FAM90A1: variants seen among roughly 807,000 people sequenced by gnomAD.
FAM90A1 encodes protein FAM90A1.
Under a neutral mutation model 14.8 loss-of-function variants are expected in FAM90A1, and 10 were observed. The ratio of observed to expected loss-of-function variants is 0.67; its 90% CI spans 0.42 to 1.14. The LOEUF (loss-of-function observed/expected upper bound fraction) is 1.14. FAM90A1 is among the 50% of genes most tolerant of loss of function. The pLI is 0.00. For missense variants in FAM90A1, 567 were observed against 602.8 expected (o/e 0.94, Z 0.62); for synonymous variants, 236 against 248.4 (o/e 0.95, Z 0.47).
In FAM90A1 at chr12:8,225,885, G is replaced by A. The variant is rs1458729944; in HGVS notation, c.-106C>T. The stretch of plus-strand genomic sequence containing the variant: ...TCCCCGGCTGGCGCTGAGATGGGCA[G>A]GTGCTGGAGCAGCCCCGCTGGAAGC... On this transcript the variant is annotated 5_prime_UTR_variant, in exon 3 of 7. Transcript: ENST00000538603. 6.6e-6 allele frequency: 1 copy of A among 152,224 alleles called. No individual in the cohort carries two copies. Among genetic ancestry groups the A allele is most frequent in the African/African-American group, 2.4e-5 (1 of 41,446 alleles). The allele number at this position is 152,224 out of a possible 1,614,324, so 9.4% of individuals were successfully genotyped here. A position where few individuals can be genotyped will look rare whatever the true frequency, so the allele number is the denominator to read the frequency against.
At chr12:8,226,824 T>C (rs1948954641) in intron 1 of FAM90A1, among the ~76,000 whole-genome samples, 1 of 133,768 alleles carries the variant, frequency 7.5e-6, no homozygotes, top group South Asian at 2.7e-4. Context: ...TTTTTTTTTT[T>C]TTTGAGACAC....
In FAM90A1 at chr12:8,224,216, C is replaced by G; in HGVS notation, c.124-1G>C. On this transcript the variant is annotated splice_acceptor_variant, in intron 4 of 6. Transcript: ENST00000538603. LOFTEE classifies it high-confidence loss of function. The stretch of plus-strand genomic sequence containing the variant: ...AGGCCTCACAGTTTTTGCACTTGAG[C>G]TGTGGGTGGAAAGGAAGTGATGTCA... 1 of 1,611,524 alleles carries G rather than the reference C, an allele frequency of 6.2e-7. No homozygotes were observed.
At chr12:8,226,802 CTT>C (rs71042351) in intron 1 of FAM90A1, among the ~76,000 whole-genome samples, 2,676 of 78,776 alleles carry the variant, frequency 0.034, 9 homozygotes, top group African/African-American at 0.086. Context: ...TCATTGATGT[CTT>C]TTTTTTTTTT....
rs780675590 is a variant in FAM90A1 at position 8,222,763 on chromosome 12, C to T, written c.454G>A (p.Val152Ile). 39 of 1,600,182 alleles carry T rather than the reference C, an allele frequency of 2.4e-5. No homozygotes were observed. The East Asian group carries it at 3.3e-4, about 14-fold the overall frequency. The change falls in exon 7 of 7, where the codon GTC becomes ATC. Residue 152 changes from valine to isoleucine, a missense_variant. Val to Ile is a conservative substitution (Grantham distance 29). Coordinates refer to ENST00000538603, the MANE Select transcript of FAM90A1 (RefSeq NM_018088.3). ...CGCGGCCTCTTACTGGTTGTGTGGA[C>T]CGGCATTGGCCCGCTTGCAACCTGA... Reference protein sequence around the residue: ...YLRVASGPMPVHTTSKRPRVD... With the variant: ...YLRVASGPMPIHTTSKRPRVD...
At position 8,225,876 on chromosome 12, in the gene FAM90A1, A is replaced by G. The variant is rs1392366660; in HGVS notation, c.-97T>C. 6.6e-6 allele frequency: 1 copy of G among 152,182 alleles called. No individual in the cohort carries two copies. The allele number at this position is 152,182 out of a possible 1,614,324, so 9.4% of individuals were successfully genotyped here. ...TACTTTCTTTCCCCGGCTGGCGCTGAGATGGGCAGGTGCTGGAGCAGCCCC... is the reference window on the plus strand; with the variant it reads ...TACTTTCTTTCCCCGGCTGGCGCTGGGATGGGCAGGTGCTGGAGCAGCCCC... On this transcript the variant is annotated 5_prime_UTR_variant, in exon 3 of 7. Transcript: ENST00000538603.
chr12:8,221,785 G>A lies in FAM90A1; in HGVS notation c.*37C>T, dbSNP rs1948826736. 2 of 1,563,118 alleles carry A rather than the reference G, an allele frequency of 1.3e-6. No individual in the cohort carries two copies. The highest frequency in any genetic ancestry group is 1.7e-6 in the Non-Finnish European group (2 of 1,150,364). On this transcript the variant is annotated 3_prime_UTR_variant, in exon 7 of 7. Coordinates refer to ENST00000538603, the MANE Select transcript of FAM90A1 (RefSeq NM_018088.3). ...GTCCCACAGTCCCCTCCAAGTCACGGGAGCTGGAGGCCAAGGAGCCCCTGC... is the reference window on the plus strand; with the variant it reads ...GTCCCACAGTCCCCTCCAAGTCACGAGAGCTGGAGGCCAAGGAGCCCCTGC...
Position 8,222,976 on chromosome 12 carries a change from G to C in FAM90A1, c.433-192C>G, listed in dbSNP as rs145083194. 3.2e-3 allele frequency among the ~76,000 whole-genome samples: 495 copies of C among 152,348 alleles called. 24 individuals carry two copies. The East Asian group carries it at 0.078, about 24-fold the overall frequency. On this transcript the variant is annotated intron_variant, in intron 6 of 6. Coordinates refer to ENST00000538603, the MANE Select transcript of FAM90A1 (RefSeq NM_018088.3). ...CAAGACACATGAAAGATGCGCTCTC[G>C]AGCTATGTGTAGCTGATCTAAGCAC...
Position 8,221,886 on chromosome 12 carries a change from C to T in FAM90A1, c.1331G>A (p.Ser444Asn), listed in dbSNP as rs1312883415. ...SEGPCVRVPP[S>N]VLYEDLQVPS... Reference sequence around the variant, plus strand: ...AACCTGAAGGTCCTCATAGAGGACGCTTGGTGGGACACGAACACAGGGACC... The same window carrying T: ...AACCTGAAGGTCCTCATAGAGGACGTTTGGTGGGACACGAACACAGGGACC... Residue 444 changes from serine (S) to asparagine (N), a missense_variant, in exon 7 of 7, where the codon AGC becomes AAC. By Grantham distance (46) the Ser-to-Asn change is conservative (BLOSUM62 1). Coordinates refer to ENST00000538603, the MANE Select transcript of FAM90A1 (RefSeq NM_018088.3). 6.3e-7 allele frequency: 1 copy of T among 1,596,326 alleles called. No individual in the cohort carries two copies. Among genetic ancestry groups the T allele is most frequent in the Admixed American group, 1.7e-5 (1 of 60,004 alleles).
chr12:8,222,714 C>A lies in FAM90A1; in HGVS notation c.503G>T (p.Arg168Leu), dbSNP rs780112980. 6.2e-7 allele frequency: 1 copy of A among 1,606,556 alleles called. No homozygotes were observed. Among genetic ancestry groups the A allele is most frequent in the Admixed American group, 1.7e-5 (1 of 59,998 alleles). ...RPRVDPVLSD[R>L]SATEMSDRGS... is the part of the protein sequence containing the mutation. ...CCTGTCAGACATTTCGGTAGCTGAG[C>A]GATCAGAGAGGACAGGGTCCACACG... Residue 168 changes from arginine (R) to leucine (L), a missense_variant, in exon 7 of 7, where the codon CGC becomes CTC. Coordinates refer to ENST00000538603, the MANE Select transcript of FAM90A1 (RefSeq NM_018088.3).
chr12:8,221,592 C>T lies in FAM90A1; in HGVS notation c.*230G>A, dbSNP rs1161859541. On this transcript the variant is annotated 3_prime_UTR_variant, in exon 7 of 7. Transcript: ENST00000538603. ...ACTGGCACGGAAGCTTTTCCTGGCG[C>T]GTTTCCAGAGAACCATGCGAACTAC... is the stretch of plus-strand genomic sequence containing the variant. 4.4e-5 allele frequency: 26 copies of T among 597,370 alleles called. No homozygotes were observed. Among genetic ancestry groups the T allele is most frequent in the Non-Finnish European group, 6.4e-5 (22 of 341,338 alleles). 37.0% of individuals were successfully genotyped at this position (597,370 alleles called of 1,614,324 possible). A position where few individuals can be genotyped will look rare whatever the true frequency, so the allele number is the denominator to read the frequency against.
rs200674958 is a variant in FAM90A1 at position 8,222,597 on chromosome 12, G to A, written c.620C>T (p.Ala207Val). 4.9e-5 allele frequency: 79 copies of A among 1,611,854 alleles called. No individual in the cohort carries two copies. The highest frequency in any genetic ancestry group is 3.3e-5 in the South Asian group (3 of 91,000). The change falls in exon 7 of 7, where the codon GCG (alanine) becomes GTG (valine). Residue 207 changes from alanine to valine, a missense_variant. Coordinates refer to ENST00000538603, the MANE Select transcript of FAM90A1 (RefSeq NM_018088.3). ...GACTGCAGTCTGAGGGATGTCGGCC[G>A]CAGCCCCTGTCTGTCTTTCCTTTGG... Reference protein sequence around the residue: ...LGPKERQTGAAADIPQTAVRH... With the variant: ...LGPKERQTGAVADIPQTAVRH...
Position 8,225,181 on chromosome 12 carries a change from G to A in FAM90A1, c.-56-293C>T, listed in dbSNP as rs1439514762. Among the ~76,000 whole-genome samples the A allele has an allele frequency of 3.9e-5, 6 of 152,336 alleles. No individual in the cohort carries two copies. In the South Asian group the frequency reaches 1.0e-3, roughly 26 times the overall value. On this transcript the variant is annotated intron_variant, in intron 3 of 6. Coordinates refer to ENST00000538603, the MANE Select transcript of FAM90A1 (RefSeq NM_018088.3). ...CAACTGATTCTGGAGACTGGACTTA[G>A]GTCTATCACGATTCACTCCGGTAGA...
rs780090840 is a variant in FAM90A1, at chr12:8,221,498, C to T, written c.*324G>A. On this transcript the variant is annotated 3_prime_UTR_variant, in exon 7 of 7. Transcript: ENST00000538603. ...AGAGAGCAAATACACAGTAATTCCCCCGTTTCCTATTGACGTCCCAGCGGA... is the reference window on the plus strand; with the variant it reads ...AGAGAGCAAATACACAGTAATTCCCTCGTTTCCTATTGACGTCCCAGCGGA... 9.6e-4 allele frequency: 426 copies of T among 444,440 alleles called. No individual in the cohort carries two copies. The highest frequency in any genetic ancestry group is 1.0e-3 in the Non-Finnish European group (241 of 241,992). 27.5% of individuals were successfully genotyped at this position (444,440 alleles called of 1,614,324 possible). A position where few individuals can be genotyped will look rare whatever the true frequency, so the allele number is the denominator to read the frequency against.
At chr12:8,227,203 G>A (rs1260235749) in intron 1 of FAM90A1, among the ~76,000 whole-genome samples, 2 of 152,248 alleles carry the variant, frequency 1.3e-5, no homozygotes, top group Non-Finnish European at 2.9e-5. Context: ...GACTCAGTGA[G>A]GAGGGGGAAA....
intron 3 of FAM90A1, among the ~76,000 whole-genome samples, chr12:8,225,594 A>G (rs926370851): frequency 1.3e-5 from 2 of 151,978 alleles, no homozygotes; most frequent in Non-Finnish European, 1.5e-5. Context: ...TCCTTTTTCC[A>G]TTTACCCACC....
rs1948832896 is a variant in FAM90A1, at chr12:8,222,000, G to C, written c.1217C>G (p.Ser406Cys). The C allele has an allele frequency of 6.3e-7, 1 of 1,598,598 alleles. No homozygotes were observed. The highest frequency in any genetic ancestry group is 1.7e-5 in the Admixed American group (1 of 60,016). The change falls in exon 7 of 7, where the codon TCC becomes TGC. Residue 406 changes from serine (S) to cysteine (C), a missense_variant. Ser to Cys is a moderately radical substitution (Grantham distance 112). Transcript: ENST00000538603. ...AAATGAGGGGGCCGTCAGCAGGCTGGAGCTCCAGCGTCCGTTTTCCAGTCT... is the reference window on the plus strand; with the variant it reads ...AAATGAGGGGGCCGTCAGCAGGCTGCAGCTCCAGCGTCCGTTTTCCAGTCT... ...FRRLENGRWSSSLLTAPSFHS... is the reference protein window; with the variant it reads ...FRRLENGRWSCSLLTAPSFHS...
At position 8,222,439 on chromosome 12, in the gene FAM90A1, C is replaced by T. The variant is rs771007440; in HGVS notation, c.778G>A (p.Asp260Asn). ...LLQAVSPQAQ[D>N]KRPAVTSQPC... is the part of the protein sequence containing the mutation. ...TGTGAGGTCACCGCAGGACGTTTGT[C>T]TTGTGCCTGGGGGCTGACGGCCTGG... is the stretch of plus-strand genomic sequence containing the variant. The change falls in exon 7 of 7, where the codon GAC becomes AAC. Residue 260 changes from aspartate (D) to asparagine (N), a missense_variant. Transcript: ENST00000538603. 16 of 1,605,024 alleles carry T rather than the reference C, an allele frequency of 1.0e-5. No individual in the cohort carries two copies. The highest frequency in any genetic ancestry group is 3.3e-5 in the Admixed American group (2 of 59,890).
chr12:8,222,577 C>T lies in FAM90A1; in HGVS notation c.640G>A (p.Ala214Thr). Residue 214 changes from alanine to threonine, a missense_variant, in exon 7 of 7, where the codon GCA becomes ACA. By Grantham distance (58) the Ala-to-Thr change is moderately conservative. Coordinates refer to ENST00000538603, the MANE Select transcript of FAM90A1 (RefSeq NM_018088.3). ...TGAAADIPQT[A>T]VRHQGPEPLL... ...GGCTCGGGGCCCTGGTGCCTGACTGCAGTCTGAGGGATGTCGGCCGCAGCC... is the reference window on the plus strand; with the variant it reads ...GGCTCGGGGCCCTGGTGCCTGACTGTAGTCTGAGGGATGTCGGCCGCAGCC... 1 of 1,612,026 alleles carries T rather than the reference C, an allele frequency of 6.2e-7. No individual in the cohort carries two copies. Among genetic ancestry groups the T allele is most frequent in the South Asian group, 1.1e-5 (1 of 90,992 alleles).
chr12:8,226,802 CTTTTTTTTTTTT>C (rs71042351), intron 1 of FAM90A1, among the ~76,000 whole-genome samples: 1 of 79,788 alleles, frequency 1.3e-5, no homozygotes, highest in Non-Finnish European at 2.2e-5. Flanking sequence ...TCATTGATGT[CTTTTTTTTTTTT>C]TTTTTTTTTT....
Sources: gnomAD v4.1 joint callset for allele counts (sites outside exome capture counted in the v4.1 genomes callset) on GRCh38, gnomAD v4.1.1 for gene constraint, MANE v1.5 for transcripts, NCBI Gene and HGNC (gene_info 2026-07-23, HGNC 2026-07-21) for gene names.